RPRD2: variants seen among roughly 807,000 people sequenced by gnomAD.
The protein encoded by RPRD2 is regulation of nuclear pre-mRNA domain-containing protein 2.
A neutral mutation model predicts 104.4 loss-of-function variants in RPRD2; 12 were observed. The observed-to-expected ratio is 0.11, with a 90% CI of 0.07 to 0.19. The LOEUF (loss-of-function observed/expected upper bound fraction) is 0.19. RPRD2 is among the 10% of genes least tolerant of loss of function. The pLI is 1.00. For synonymous variants in RPRD2, 714 were observed against 684.9 expected, an observed-to-expected ratio of 1.04 and a Z score of -0.66; for missense variants, 1,543 against 1,790.1, an observed-to-expected ratio of 0.86 and a Z score of 2.49.
chr1:150,372,086 G>C (rs587623020), intron 1 of RPRD2, among the ~76,000 whole-genome samples: 1 of 152,276 alleles, frequency 6.6e-6, no homozygotes, highest in East Asian at 1.9e-4. Context: ...TTGATGACCT[G>C]TAGAGTGTAA....
intron 7 of RPRD2, among the ~76,000 whole-genome samples, chr1:150,447,985 T>TTG (rs1171421420): frequency 6.6e-6 from 1 of 152,220 alleles, no homozygotes; most frequent in Non-Finnish European, 1.5e-5. Context: ...TCTCCCAGTT[T>TTG]TGTTGTGTAA....
At chr1:150,448,342 G>T (rs1666934499) in intron 7 of RPRD2, among the ~76,000 whole-genome samples, 1 of 151,788 alleles carries the variant, frequency 6.6e-6, no homozygotes, top group Admixed American at 6.6e-5. Context: ...CTAATTTTTG[G>T]TTTTTTAGTA....
intron 7 of RPRD2, among the ~76,000 whole-genome samples, chr1:150,447,976 C>T (rs1666903343): frequency 6.6e-6 from 1 of 152,148 alleles, no homozygotes; most frequent in African/African-American, 2.4e-5. Context: ...CTTTCTCCTT[C>T]TCCCAGTTTT....
chr1:150,401,876 C>G (rs782422262), intron 1 of RPRD2, among the ~76,000 whole-genome samples: 2 of 151,860 alleles, frequency 1.3e-5, no homozygotes, highest in Non-Finnish European at 2.9e-5. Flanking sequence ...ATCTCCTGAC[C>G]TCGTGATCCG....
chr1:150,396,265 C>T (rs1440936933), intron 1 of RPRD2, among the ~76,000 whole-genome samples: 18 of 149,550 alleles, frequency 1.2e-4, no homozygotes, highest in South Asian at 1.0e-3. Context: ...ATTTGTTAGA[C>T]GTATAGATTG....
At chr1:150,470,465 C>A in intron 10 of RPRD2, 96 bp from the exon 11 acceptor site, 1 of 1,295,908 alleles carries the variant, frequency 7.7e-7, no homozygotes, top group Non-Finnish European at 1.1e-6. Context: ...ATCTGGTTCC[C>A]ACCAAAATGA....
intron 2 of RPRD2, among the ~76,000 whole-genome samples, chr1:150,439,017 T>C (rs1301802356): frequency 1.3e-5 from 2 of 152,072 alleles, no homozygotes; most frequent in African/African-American, 4.8e-5. Flanking sequence ...GTATTTTTAG[T>C]AGAGACGGGG....
rs1668680550 is a variant in RPRD2 at position 150,472,800 on chromosome 1, G to T, written c.3852G>T (p.Gly1284=). ...PPPGEHSSSG[G]SGVPFSTPPP... ...CTGGGGAACATAGCAGCAGTGGTGG[G>T]AGTGGTGTCCCCTTTTCTACTCCAC... The change falls in exon 11 of 11, where the codon GGG becomes GGT. Residue 1284 remains glycine, a synonymous_variant. Coordinates refer to ENST00000369068, the MANE Select transcript of RPRD2 (RefSeq NM_015203.5). The T allele has an allele frequency of 1.2e-6, 2 of 1,611,328 alleles. No individual in the cohort carries two copies. The highest frequency in any genetic ancestry group is 1.3e-5 in the African/African-American group (1 of 74,870).
At chr1:150,429,555 A>G (rs781828314) in intron 2 of RPRD2, among the ~76,000 whole-genome samples, 1 of 152,102 alleles carries the variant, frequency 6.6e-6, no homozygotes, top group Non-Finnish European at 1.5e-5. Flanking sequence ...AGGTTTCACC[A>G]TGTTGCCCAG....
intron 2 of RPRD2, among the ~76,000 whole-genome samples, chr1:150,439,163 G>A (rs946078602): frequency 1.3e-5 from 2 of 152,122 alleles, no homozygotes; most frequent in African/African-American, 2.4e-5. Context: ...ACAGAAAATT[G>A]TGAAAAGTAT....
intron 6 of RPRD2, among the ~76,000 whole-genome samples, chr1:150,445,641 C>T (rs1002769060): frequency 6.6e-6 from 1 of 152,172 alleles, no homozygotes; most frequent in African/African-American, 2.4e-5. Flanking sequence ...AATCAACAAA[C>T]TCTTTTAGTT....
intron 8 of RPRD2, among the ~76,000 whole-genome samples, chr1:150,457,960 AC>A (rs1317929314): frequency 6.6e-6 from 1 of 151,930 alleles, no homozygotes; most frequent in Admixed American, 6.6e-5. Context: ...AATTCCAGCT[AC>A]CCGGGAGGCT....
At chr1:150,435,975 A>ATGTTC (rs1553892988) in intron 2 of RPRD2, among the ~76,000 whole-genome samples, 14 of 152,212 alleles carry the variant, frequency 9.2e-5, no homozygotes, top group African/African-American at 3.4e-4. Context: ...GTTCATATAC[A>ATGTTC]ATTCTGAAAA....
chr1:150,440,274 G>T (rs1488213725), intron 2 of RPRD2, among the ~76,000 whole-genome samples: 1 of 151,540 alleles, frequency 6.6e-6, no homozygotes, highest in Non-Finnish European at 1.5e-5. Flanking sequence ...CCCACAATTG[G>T]CCAGACTGGT....
rs587717749 is a variant in RPRD2, at chr1:150,398,927, G to A, written c.206-18669G>A. Among the ~76,000 whole-genome samples the A allele has an allele frequency of 3.3e-5, 5 of 152,150 alleles. No homozygotes were observed. In the East Asian group the frequency reaches 5.8e-4, roughly 18 times the overall value. On this transcript the variant is annotated intron_variant, in intron 1 of 10. Transcript: ENST00000369068. ...AAAAATGTTAACAGATGATATTTTC[G>A]TTACATATAAGAAATCCTTTAATTC...
intron 9 of RPRD2, among the ~76,000 whole-genome samples, chr1:150,463,789 C>CACT (rs1315937218): frequency 2.0e-5 from 3 of 152,284 alleles, no homozygotes; most frequent in Non-Finnish European, 4.4e-5. Flanking sequence ...AGCATCCAGT[C>CACT]AGCCAGCAGT....
chr1:150,471,503 A>AACC lies in RPRD2; in HGVS notation c.2557_2559dup (p.Pro853dup). The AACC allele has an allele frequency of 1.2e-6, 2 of 1,613,842 alleles. No homozygotes were observed. The highest frequency in any genetic ancestry group is 1.7e-6 in the Non-Finnish European group (2 of 1,179,862). ...TCTGCCATGATGAACCTAGAGAAGA[A>AACC]ACCAGCCAAATCTATCCTGAAATCA... On this transcript the variant is annotated inframe_insertion, in exon 11 of 11. Coordinates refer to ENST00000369068, the MANE Select transcript of RPRD2 (RefSeq NM_015203.5). The surrounding 1 kb of genome is among the most constrained non-coding windows in gnomAD (Gnocchi z 5.3).
In RPRD2 at chr1:150,472,444, C is replaced by T. The variant is rs756809678; in HGVS notation, c.3496C>T (p.Pro1166Ser). 2 of 1,613,936 alleles carry T rather than the reference C, an allele frequency of 1.2e-6. No homozygotes were observed. Among genetic ancestry groups the T allele is most frequent in the Non-Finnish European group, 1.7e-6 (2 of 1,179,870 alleles). ...SGGLTGFKTA[P>S]YKERAPQFQE... ...AGGCCTCACTGGCTTTAAAACAGCA[C>T]CATACAAGGAACGGGCACCTCAATT... The change falls in exon 11 of 11, where the codon CCA becomes TCA. Residue 1166 changes from proline to serine, a missense_variant. By Grantham distance (74) the Pro-to-Ser change is moderately conservative. Around this residue, in one of 4 missense-constraint regions of RPRD2, gnomAD observed 880 missense variants for 885.6 expected, o/e 0.99. Coordinates refer to ENST00000369068, the MANE Select transcript of RPRD2 (RefSeq NM_015203.5).
In RPRD2 at chr1:150,425,536, G is replaced by A. The variant is rs587611095; in HGVS notation, c.335+7811G>A. Among the ~76,000 whole-genome samples the A allele has an allele frequency of 9.1e-4, 139 of 151,960 alleles. 1 individual carries two copies. Among genetic ancestry groups the A allele is most frequent in the African/African-American group, 3.2e-3 (131 of 41,464 alleles). On this transcript the variant is annotated intron_variant, in intron 2 of 10. Transcript: ENST00000369068. ...CGCATACCTATAATCCCAGCTACTC[G>A]GGAGGCTGAGGCAGGAGAATTGCTT...
Sources: gnomAD v4.1 joint callset for allele counts (sites outside exome capture counted in the v4.1 genomes callset) on GRCh38, gnomAD v4.1.1 for gene constraint, gnomAD v4.1.1 regional missense constraint, Gnocchi (gnomAD v3.1) non-coding constraint, MANE v1.5 for transcripts, NCBI Gene and HGNC (gene_info 2026-07-23, HGNC 2026-07-21) for gene names.